The following CDH13 variants were observed in gnomAD, a reference collection of about 807,000 sequenced individuals.
The protein encoded by CDH13 is cadherin 13.
CDH13 carries 24 observed loss-of-function variants against 63.8 expected under a neutral mutation model. That is an observed-to-expected ratio of 0.38 (90% CI 0.27 to 0.53). The LOEUF (loss-of-function observed/expected upper bound fraction) is 0.53, where lower values mean the gene tolerates loss of function less well. Ranked by LOEUF, CDH13 falls within the 20% of genes least tolerant of loss-of-function variation. The pLI is 0.85. For missense variants in CDH13, 1,049 were observed against 903.1 expected (o/e 1.16, Z -2.07); for synonymous variants, 503 against 355.3 (o/e 1.42, Z -4.67).
intron 3 of CDH13, among the ~76,000 whole-genome samples, chr16:83,052,499 G>T (rs184719036): frequency 2.6e-5 from 4 of 152,250 alleles, no homozygotes; most frequent in Admixed American, 6.5e-5. Flanking sequence ...ATAAAACCTT[G>T]GCTGTTGTGG....
At position 82,836,329 on chromosome 16, in the gene CDH13, T is replaced by C. The variant is rs183280258; in HGVS notation, c.46-22033T>C. On this transcript the variant is annotated intron_variant, in intron 1 of 13. Coordinates refer to ENST00000567109, the MANE Select transcript of CDH13 (RefSeq NM_001257.5). The stretch of plus-strand genomic sequence containing the variant: ...ACGCCCAGTTATTTTTCTGTATTTT[T>C]AGTAGAGACTGGGTTTCGCCATGTT... Among the ~76,000 whole-genome samples, 447 of 152,210 alleles carry C rather than the reference T, an allele frequency of 2.9e-3. 1 individual carries two copies. Among genetic ancestry groups the C allele is most frequent in the African/African-American group, 0.01 (435 of 41,536 alleles).
At chr16:82,847,895 C>CTTTTTT (rs33934390) in intron 1 of CDH13, among the ~76,000 whole-genome samples, 1 of 140,114 alleles carries the variant, frequency 7.1e-6, no homozygotes. Flanking sequence ...TTGTGCTTCA[C>CTTTTTT]TTTTTTTTTT....
intron 7 of CDH13, among the ~76,000 whole-genome samples, chr16:83,590,947 G>C (rs1002825414): frequency 1.9e-4 from 24 of 127,638 alleles, no homozygotes; most frequent in Admixed American, 1.0e-4. Flanking sequence ...TTTCGCTCTC[G>C]TTGCCCAGGC....
intron 11 of CDH13, among the ~76,000 whole-genome samples, chr16:83,763,818 C>G (rs1280316287): frequency 1.3e-5 from 2 of 152,028 alleles, no homozygotes; most frequent in African/African-American, 4.8e-5. Flanking sequence ...ACAAAATGGC[C>G]CAATAAAAGA....
At chr16:83,504,493 C>T (rs1425765577) in intron 7 of CDH13, among the ~76,000 whole-genome samples, 4 of 152,196 alleles carry the variant, frequency 2.6e-5, no homozygotes, top group African/African-American at 9.7e-5. Context: ...CAATGGGAGG[C>T]ATCTGAGGCT....
At chr16:82,966,190 C>T (rs570593089) in intron 2 of CDH13, among the ~76,000 whole-genome samples, 112 of 152,308 alleles carry the variant, frequency 7.4e-4, no homozygotes, top group African/African-American at 2.3e-3. Flanking sequence ...GGTCTGTCGC[C>T]CAGGCTGGAG....
intron 6 of CDH13, among the ~76,000 whole-genome samples, chr16:83,364,210 C>A (rs1003351858): frequency 1.3e-5 from 2 of 152,116 alleles, no homozygotes; most frequent in African/African-American, 4.8e-5. Context: ...TTAAGATAGA[C>A]ATAATAAGTC....
chr16:83,071,922 G>T (rs1480239798), intron 3 of CDH13, among the ~76,000 whole-genome samples: 1 of 152,018 alleles, frequency 6.6e-6, no homozygotes, highest in African/African-American at 2.4e-5. Flanking sequence ...CATCTATGTG[G>T]TCATCTAATC....
intron 4 of CDH13, among the ~76,000 whole-genome samples, chr16:83,205,736 C>T (rs1488857371): frequency 1.3e-5 from 2 of 151,390 alleles, no homozygotes; most frequent in East Asian, 1.9e-4. Flanking sequence ...TCCCAAGTAG[C>T]TGGGGCTACA....
At chr16:82,897,021 T>C (rs1195156134) in intron 2 of CDH13, among the ~76,000 whole-genome samples, 1 of 151,452 alleles carries the variant, frequency 6.6e-6, no homozygotes, top group Non-Finnish European at 1.5e-5. Context: ...GACCTCGTGA[T>C]TTCCTGCCTC....
chr16:83,013,841 A>G (rs185549424), intron 2 of CDH13, among the ~76,000 whole-genome samples: 29 of 152,280 alleles, frequency 1.9e-4, no homozygotes, highest in Non-Finnish European at 2.8e-4. Context: ...AGTGAGAGAG[A>G]CACAACATAG....
chr16:83,022,704 GCA>G (rs1471247114), intron 2 of CDH13, among the ~76,000 whole-genome samples: 3 of 152,124 alleles, frequency 2.0e-5, no homozygotes, highest in Non-Finnish European at 2.9e-5. Flanking sequence ...ATGCATCCTT[GCA>G]CACATGTACA....
At chr16:82,904,844 C>T (rs773663792) in intron 2 of CDH13, among the ~76,000 whole-genome samples, 7 of 152,268 alleles carry the variant, frequency 4.6e-5, no homozygotes, top group Admixed American at 1.3e-4. Flanking sequence ...GAATAGAGTG[C>T]GACATTTGAA....
chr16:83,393,318 T>A (rs1484822782), intron 6 of CDH13, among the ~76,000 whole-genome samples: 1 of 152,152 alleles, frequency 6.6e-6, no homozygotes, highest in East Asian at 1.9e-4. Context: ...CAGGAAGGGC[T>A]GTGGGAACGT....
Position 83,797,327 on chromosome 16 carries a change from G to T in CDH13, c.*2297G>T, listed in dbSNP as rs957663462. On this transcript the variant is annotated 3_prime_UTR_variant, in exon 14 of 14. Coordinates refer to ENST00000567109, the MANE Select transcript of CDH13 (RefSeq NM_001257.5). ...TACAGCATGACTCCTTTTCTCTCAA[G>T]CTGGTAGGCTCTCCTGCACTTTGTG... The T allele has an allele frequency of 3.3e-5, 5 of 152,222 alleles. No individual in the cohort carries two copies. Among genetic ancestry groups the T allele is most frequent in the Non-Finnish European group, 5.9e-5 (4 of 68,038 alleles). 9.4% of individuals were successfully genotyped at this position (152,222 alleles called of 1,614,324 possible).
At chr16:83,311,325 G>T (rs1439538282) in intron 5 of CDH13, among the ~76,000 whole-genome samples, 2 of 120,900 alleles carry the variant, frequency 1.7e-5, no homozygotes, top group African/African-American at 3.1e-5. Flanking sequence ...CAAGGAGATT[G>T]TTAAAAAAAA....
chr16:83,080,875 T>TG (rs1567810532), intron 3 of CDH13, among the ~76,000 whole-genome samples: 9 of 92,594 alleles, frequency 9.7e-5, no homozygotes, highest in East Asian at 7.7e-4. Flanking sequence ...TTTTGTGTTT[T>TG]TTTTTTTTTT....
chr16:83,071,801 G>C (rs11864323), intron 3 of CDH13, among the ~76,000 whole-genome samples: 1 of 152,174 alleles, frequency 6.6e-6, no homozygotes, highest in South Asian at 2.1e-4. Flanking sequence ...ATTTGAGACA[G>C]TAGGCATGAC....
At chr16:82,761,829 C>G (rs1180204460) in intron 1 of CDH13, among the ~76,000 whole-genome samples, 3 of 152,026 alleles carry the variant, frequency 2.0e-5, no homozygotes, top group African/African-American at 7.2e-5. Flanking sequence ...TTTATCATGA[C>G]TTATGATTTT....
Sources: allele counts gnomAD v4.1 joint callset (sites outside exome capture counted in the v4.1 genomes callset), GRCh38; gene constraint gnomAD v4.1.1; transcripts MANE v1.5; gene names NCBI Gene and HGNC (gene_info 2026-07-23, HGNC 2026-07-21).